NPAS3: variants seen among roughly 807,000 people sequenced by gnomAD.
The protein encoded by NPAS3 is neuronal PAS domain protein 3, also known as neuronal PAS domain-containing protein 3.
Under a neutral mutation model 73.1 loss-of-function variants are expected in NPAS3, and 14 were observed. The observed-to-expected ratio is 0.19, with a 90% CI of 0.13 to 0.30. The LOEUF (loss-of-function observed/expected upper bound fraction) is 0.30, where lower values mean the gene tolerates loss of function less well. NPAS3 is among the 10% of genes least tolerant of loss of function. The pLI is 1.00. For synonymous variants in NPAS3, 620 were observed against 541.5 expected, an observed-to-expected ratio of 1.14 and a Z score of -2.01; for missense variants, 1,096 against 1,250.0, an observed-to-expected ratio of 0.88 and a Z score of 1.86.
intron 1 of NPAS3, among the ~76,000 whole-genome samples, chr14:33,002,010 A>G (rs1167438676): frequency 6.6e-6 from 1 of 152,214 alleles, no homozygotes; most frequent in Non-Finnish European, 1.5e-5. Context: ...ACCCTGGAGA[A>G]TGTATTATTT....
At chr14:33,663,162 A>C (rs1257394005) in intron 5 of NPAS3, among the ~76,000 whole-genome samples, 1 of 152,000 alleles carries the variant, frequency 6.6e-6, no homozygotes, top group Admixed American at 6.6e-5. Flanking sequence ...TTTCAAAGGG[A>C]ATGCTTCCAG....
At chr14:32,940,579 G>C (rs1352884571) in intron 1 of NPAS3, among the ~76,000 whole-genome samples, 1 of 152,192 alleles carries the variant, frequency 6.6e-6, no homozygotes, top group Non-Finnish European at 1.5e-5. Flanking sequence ...AATACAGTAA[G>C]ATATATGCAC....
chr14:33,703,090 G>T (rs1250690459), intron 6 of NPAS3, among the ~76,000 whole-genome samples: 2 of 152,170 alleles, frequency 1.3e-5, no homozygotes, highest in Non-Finnish European at 2.9e-5. Context: ...TGGAGGTGGG[G>T]TGGGGGAAGA....
At chr14:33,653,229 T>TG (rs2059049780) in intron 5 of NPAS3, among the ~76,000 whole-genome samples, 3 of 152,374 alleles carry the variant, frequency 2.0e-5, no homozygotes, top group Non-Finnish European at 4.4e-5. Flanking sequence ...TACCTAAAAA[T>TG]GGCCCCGTAT....
chr14:33,260,125 G>A (rs896718654), intron 3 of NPAS3, among the ~76,000 whole-genome samples: 1 of 152,120 alleles, frequency 6.6e-6, no homozygotes, highest in African/African-American at 2.4e-5. Flanking sequence ...GCTAATGTCT[G>A]ACTTTCACGT....
intron 3 of NPAS3, among the ~76,000 whole-genome samples, chr14:33,354,263 T>G (rs1383663635): frequency 2.0e-5 from 3 of 152,162 alleles, no homozygotes; most frequent in African/African-American, 4.8e-5. Context: ...TTCCAGATTT[T>G]CAGAAATGTT....
intron 1 of NPAS3, among the ~76,000 whole-genome samples, chr14:32,983,566 T>G (rs552265482): frequency 1.3e-5 from 2 of 152,304 alleles, no homozygotes; most frequent in South Asian, 4.1e-4. Context: ...CAGTATTCAT[T>G]CTAAAAGTTT....
intron 2 of NPAS3, among the ~76,000 whole-genome samples, chr14:33,079,046 C>T (rs8019686): frequency 0.33 from 50,340 of 151,962 alleles, 8,590 homozygotes; most frequent in African/African-American, 0.43. Context: ...CCCTGAGTCT[C>T]AAACCCCAAT....
In NPAS3 at chr14:33,582,591, G is replaced by A. The variant is rs565550897; in HGVS notation, c.558+22381G>A. The stretch of plus-strand genomic sequence containing the variant: ...AACAGTATGCACTATTTAATAGGTT[G>A]TTTTACCCTAACCCTTGCTCTCTGA... On this transcript the variant is annotated intron_variant, in intron 5 of 11. Coordinates refer to ENST00000356141, the Ensembl canonical transcript of NPAS3. Among the ~76,000 whole-genome samples, 136 of 152,260 alleles carry A rather than the reference G, an allele frequency of 8.9e-4. 1 individual carries two copies. The Middle Eastern group carries it at 0.014, about 15-fold the overall frequency.
intron 4 of NPAS3, among the ~76,000 whole-genome samples, chr14:33,417,124 T>C (rs182767007): frequency 6.6e-5 from 10 of 152,174 alleles, no homozygotes; most frequent in Admixed American, 6.6e-5. Context: ...TTGATAGATA[T>C]GTATTTTATT....
intron 4 of NPAS3, among the ~76,000 whole-genome samples, chr14:33,471,841 A>G (rs1255594971): frequency 6.6e-6 from 1 of 152,210 alleles, no homozygotes; most frequent in Non-Finnish European, 1.5e-5. Context: ...GGCGAGCGAG[A>G]GAAGCTTCAT....
chr14:33,400,064 AG>A (rs2047386271), intron 4 of NPAS3, among the ~76,000 whole-genome samples: 2 of 152,144 alleles, frequency 1.3e-5, no homozygotes, highest in African/African-American at 4.8e-5. Context: ...GAAGTTTTTG[AG>A]GCTTATCAGC....
At chr14:33,246,847 A>G (rs995742118) in intron 3 of NPAS3, among the ~76,000 whole-genome samples, 1 of 68,008 alleles carries the variant, frequency 1.5e-5, no homozygotes, top group Non-Finnish European at 3.5e-5. Flanking sequence ...TACAAAAAAA[A>G]AAAAAAAAAA....
At chr14:33,409,442 C>A (rs146141663) in intron 4 of NPAS3, among the ~76,000 whole-genome samples, 1 of 152,022 alleles carries the variant, frequency 6.6e-6, no homozygotes, top group African/African-American at 2.4e-5. Flanking sequence ...TTTGTTTCAT[C>A]CTAACTTAGA....
chr14:33,180,318 A>G (rs1335905590), intron 2 of NPAS3, among the ~76,000 whole-genome samples: 1 of 152,070 alleles, frequency 6.6e-6, no homozygotes, highest in Admixed American at 6.6e-5. Context: ...GAATTCTCCC[A>G]TAGCATCCTA....
At chr14:33,629,048 G>A (rs1378312500) in intron 5 of NPAS3, among the ~76,000 whole-genome samples, 1 of 151,950 alleles carries the variant, frequency 6.6e-6, no homozygotes, top group African/African-American at 2.4e-5. Context: ...TGGCTAACAC[G>A]GTGAAACCCC....
chr14:33,447,352 T>C (rs1178651741), intron 4 of NPAS3, among the ~76,000 whole-genome samples: 2 of 152,152 alleles, frequency 1.3e-5, no homozygotes, highest in Admixed American at 6.5e-5. Context: ...GTGTGTGTGC[T>C]ATGAGAGTGT....
At chr14:33,651,969 C>A (rs2059008134) in intron 5 of NPAS3, among the ~76,000 whole-genome samples, 1 of 152,152 alleles carries the variant, frequency 6.6e-6, no homozygotes. Context: ...TACAACCAGT[C>A]ATGAGGTGTT....
chr14:33,406,070 T>G (rs1281758700), intron 4 of NPAS3, among the ~76,000 whole-genome samples: 1 of 152,126 alleles, frequency 6.6e-6, no homozygotes, highest in African/African-American at 2.4e-5. Flanking sequence ...GAAAAACATT[T>G]TTCAAAAGCA....
Sources: gnomAD v4.1 joint callset for allele counts (sites outside exome capture counted in the v4.1 genomes callset) on GRCh38, gnomAD v4.1.1 for gene constraint, MANE v1.5 for transcripts, NCBI Gene and HGNC (gene_info 2026-07-23, HGNC 2026-07-21) for gene names.